CDH13: variants seen among roughly 807,000 people sequenced by gnomAD.
CDH13 encodes cadherin 13, also known as cadherin-13.
Under a neutral mutation model 63.8 loss-of-function variants are expected in CDH13, and 24 were observed. The observed-to-expected ratio is 0.38, with a 90% CI of 0.27 to 0.53. The LOEUF (loss-of-function observed/expected upper bound fraction) is 0.53, where lower values mean the gene tolerates loss of function less well. Ranked by LOEUF, CDH13 falls within the 20% of genes least tolerant of loss-of-function variation. The pLI, the probability that CDH13 is intolerant of heterozygous loss-of-function variation, is 0.85. For missense variants in CDH13, 1,049 were observed against 903.1 expected, an observed-to-expected ratio of 1.16 and a Z score of -2.07; for synonymous variants, 503 against 355.3, an observed-to-expected ratio of 1.42 and a Z score of -4.67.
At chr16:83,440,688 G>A (rs188209196) in intron 6 of CDH13, among the ~76,000 whole-genome samples, 26 of 151,898 alleles carry the variant, frequency 1.7e-4, no homozygotes, top group Middle Eastern at 3.4e-3. Flanking sequence ...AGGAGGCTGC[G>A]GCAGGAGAAT....
chr16:83,103,184 CT>C (rs2034584584), intron 3 of CDH13, among the ~76,000 whole-genome samples: 3 of 148,372 alleles, frequency 2.0e-5, no homozygotes. Context: ...AACTCCTGAT[CT>C]CAAGTGATCC....
At chr16:82,941,553 G>T (rs1904287104) in intron 2 of CDH13, among the ~76,000 whole-genome samples, 1 of 152,110 alleles carries the variant, frequency 6.6e-6, no homozygotes, top group African/African-American at 2.4e-5. Context: ...ATAAAGCATT[G>T]TGTGGATAGC....
intron 4 of CDH13, among the ~76,000 whole-genome samples, chr16:83,211,765 C>T (rs141952269): frequency 0.042 from 6,339 of 152,090 alleles, 186 homozygotes; most frequent in Non-Finnish European, 0.064. Flanking sequence ...CCTCCCCCCC[C>T]CAAACAGCCA....
Position 82,937,419 on chromosome 16 carries a change from G to GCA in CDH13, c.157+78963_157+78964dup, listed in dbSNP as rs748594526. On this transcript the variant is annotated intron_variant, in intron 2 of 13. Coordinates refer to ENST00000567109, the MANE Select transcript of CDH13 (RefSeq NM_001257.5). ...CTCTGTGTCTCACACACATACACAT[G>GCA]CACACACACACACACACAGACACAC... Among the ~76,000 whole-genome samples, 443 of 149,068 alleles carry GCA rather than the reference G, an allele frequency of 3.0e-3. 1 individual carries two copies. The highest frequency in any genetic ancestry group is 0.015 in the South Asian group (68 of 4,658).
At chr16:82,882,286 A>G (rs1358526939) in intron 2 of CDH13, among the ~76,000 whole-genome samples, 1 of 152,210 alleles carries the variant, frequency 6.6e-6, no homozygotes, top group Non-Finnish European at 1.5e-5. Flanking sequence ...CAGCTGCCAT[A>G]TCAGGAATCC....
At chr16:82,636,774 A>T (rs74724965) in intron 1 of CDH13, among the ~76,000 whole-genome samples, 7,337 of 152,304 alleles carry the variant, frequency 0.048, 245 homozygotes, top group East Asian at 0.11. Flanking sequence ...CCAAACCAAG[A>T]CACAACCAAG....
intron 6 of CDH13, among the ~76,000 whole-genome samples, chr16:83,381,850 G>A (rs1385473327): frequency 6.6e-6 from 1 of 152,032 alleles, no homozygotes; most frequent in Non-Finnish European, 1.5e-5. Context: ...CTAACAAGTT[G>A]CTCCTTATAC....
intron 5 of CDH13, among the ~76,000 whole-genome samples, chr16:83,329,519 CAAATT>C (rs571224171): frequency 7.9e-5 from 12 of 151,984 alleles, no homozygotes; most frequent in Non-Finnish European, 1.8e-4. Context: ...TTACAGGCGT[CAAATT>C]AAAGGTTTTT....
intron 8 of CDH13, among the ~76,000 whole-genome samples, chr16:83,657,506 G>A (rs1264121780): frequency 1.3e-5 from 2 of 152,220 alleles, no homozygotes; most frequent in Non-Finnish European, 2.9e-5. Context: ...TGCTCAGGAT[G>A]ACAGCCAACC....
intron 6 of CDH13, among the ~76,000 whole-genome samples, chr16:83,368,297 A>T (rs1294009439): frequency 1.3e-5 from 2 of 152,218 alleles, no homozygotes; most frequent in Non-Finnish European, 1.5e-5. Context: ...TATTAAACAG[A>T]TACATACTGA....
intron 2 of CDH13, among the ~76,000 whole-genome samples, chr16:82,961,694 C>T (rs915435489): frequency 1.7e-4 from 26 of 151,958 alleles, no homozygotes; most frequent in Admixed American, 4.6e-4. Flanking sequence ...GCTATTCCAA[C>T]GTACAGCCAG....
At chr16:82,708,511 C>G (rs979890616) in intron 1 of CDH13, among the ~76,000 whole-genome samples, 2 of 152,312 alleles carry the variant, frequency 1.3e-5, no homozygotes, top group Non-Finnish European at 2.9e-5. Context: ...CTCTGTCTCT[C>G]CACCAGCTTC....
At chr16:83,173,756 T>C (rs2038016015) in intron 4 of CDH13, among the ~76,000 whole-genome samples, 1 of 152,112 alleles carries the variant, frequency 6.6e-6, no homozygotes. Context: ...TGGGCCTCTT[T>C]CTTTAGGAAA....
At chr16:83,447,468 A>C (rs1346608640) in intron 6 of CDH13, among the ~76,000 whole-genome samples, 5 of 152,088 alleles carry the variant, frequency 3.3e-5, no homozygotes, top group Non-Finnish European at 7.4e-5. Flanking sequence ...GTTACTGTGG[A>C]TCAGGACTGT....
intron 4 of CDH13, among the ~76,000 whole-genome samples, chr16:83,133,263 G>C (rs1019181013): frequency 6.6e-6 from 1 of 152,128 alleles, no homozygotes; most frequent in South Asian, 2.1e-4. Flanking sequence ...GAGATGTTTT[G>C]TAAGCGTAAA....
intron 11 of CDH13, among the ~76,000 whole-genome samples, chr16:83,757,483 C>A (rs1164236625): frequency 1.3e-5 from 2 of 152,118 alleles, no homozygotes; most frequent in African/African-American, 4.8e-5. Flanking sequence ...GAGCCTGAGG[C>A]AGGACAATCG....
chr16:83,141,618 T>A (rs1209888262), intron 4 of CDH13, among the ~76,000 whole-genome samples: 3 of 152,084 alleles, frequency 2.0e-5, no homozygotes, highest in Non-Finnish European at 4.4e-5. Flanking sequence ...ATCATCTACG[T>A]TTTAAGCCCC....
At chr16:83,077,186 CTTTT>C (rs34536219) in intron 3 of CDH13, among the ~76,000 whole-genome samples, 785 of 59,084 alleles carry the variant, frequency 0.013, 2 homozygotes, top group African/African-American at 0.051. Context: ...TTTTTCTTTT[CTTTT>C]TTTTTTTTTT....
At chr16:82,652,623 T>C (rs954785438) in intron 1 of CDH13, among the ~76,000 whole-genome samples, 3 of 140,188 alleles carry the variant, frequency 2.1e-5, no homozygotes, top group Admixed American at 7.1e-5. Context: ...TAGAAAGATA[T>C]TGGAAGCTGC....
Sources: allele counts gnomAD v4.1 joint callset (sites outside exome capture counted in the v4.1 genomes callset), GRCh38; gene constraint gnomAD v4.1.1; transcripts MANE v1.5; gene names NCBI Gene and HGNC (gene_info 2026-07-23, HGNC 2026-07-21).